SCN9A: variants seen among roughly 807,000 people sequenced by gnomAD.
SCN9A encodes sodium voltage-gated channel alpha subunit 9, also known as sodium channel protein type 9 subunit alpha.
Under a neutral mutation model 187.0 loss-of-function variants are expected in SCN9A, and 131 were observed. The observed-to-expected ratio is 0.70, with a 90% CI of 0.61 to 0.81. The LOEUF is 0.81. Among genes scored for constraint, SCN9A ranks in the 30% least tolerant of loss-of-function variants. SCN9A has a pLI of 0.00. For synonymous variants in SCN9A, 809 were observed against 808.6 expected (o/e 1.00, Z -0.01); for missense variants, 2,252 against 2,396.6 (o/e 0.94, Z 1.26).
At chr2:166,368,929 G>C (rs1700485145) in intron 1 of SCN9A, among the ~76,000 whole-genome samples, 1 of 151,480 alleles carries the variant, frequency 6.6e-6, no homozygotes, top group Admixed American at 6.6e-5. Flanking sequence ...GGAAGTTGCA[G>C]TGAGCCAAGA....
chr2:166,352,032 G>A (rs966509133), intron 1 of SCN9A, among the ~76,000 whole-genome samples: 21 of 152,014 alleles, frequency 1.4e-4, no homozygotes, highest in African/African-American at 4.8e-4. Context: ...ATTCTATGGC[G>A]TTTCTTAAGA....
intron 18 of SCN9A, among the ~76,000 whole-genome samples, chr2:166,251,273 A>G (rs191421545): frequency 2.0e-5 from 3 of 152,098 alleles, no homozygotes; most frequent in Non-Finnish European, 4.4e-5. Flanking sequence ...TACTCATTAA[A>G]GAAATAGAGA....
Position 166,199,302 on chromosome 2 carries a change from A to G in SCN9A, c.5337T>C (p.Phe1779=), listed in dbSNP as rs1693363523. The part of the protein sequence containing the change: ...ESTEPLSEDD[F]EMFYEVWEKF... ...TCTCCCAAACCTCATAGAACATCTC[A>G]AAGTCATCCTCACTCAGAGGTTCAG... Residue 1779 remains phenylalanine, a synonymous_variant, in exon 27 of 27, where the codon TTT becomes TTC. Transcript: ENST00000642356. 1 of 1,613,894 alleles carries G rather than the reference A, an allele frequency of 6.2e-7. No homozygotes were observed.
In SCN9A at chr2:166,277,176, T is replaced by A; in HGVS notation, c.2681A>T (p.Glu894Val). Reference protein sequence around the residue: ...GMQLFGKSYKECVCKINDDCT... With the variant: ...GMQLFGKSYKVCVCKINDDCT... ...GTCATCATTGATCTTGCAGACACAT[T>A]CTTTGTAGCTCTTACCAAAGAGCTG... The change falls in exon 16 of 27, where the codon GAA becomes GTA. Residue 894 changes from glutamate (E) to valine (V), a missense_variant. By Grantham distance (121) the Glu-to-Val change is moderately radical (BLOSUM62 -2). This residue lies in a region of SCN9A where 119 missense variants were observed against 188.7 expected (regional missense o/e 0.63). Coordinates refer to ENST00000642356, the MANE Select transcript of SCN9A (RefSeq NM_001365536.1). 6.2e-7 allele frequency: 1 copy of A among 1,613,980 alleles called. No individual in the cohort carries two copies. Among genetic ancestry groups the A allele is most frequent in the Non-Finnish European group, 8.5e-7 (1 of 1,179,980 alleles).
At chr2:166,252,168 T>C (rs1157609328) in intron 17 of SCN9A, among the ~76,000 whole-genome samples, 1 of 152,004 alleles carries the variant, frequency 6.6e-6, no homozygotes, top group Non-Finnish European at 1.5e-5. Flanking sequence ...ATATTGATGT[T>C]AACTATCACT....
At chr2:166,326,248 T>C (rs1015630268) in intron 1 of SCN9A, among the ~76,000 whole-genome samples, 4 of 152,282 alleles carry the variant, frequency 2.6e-5, no homozygotes, top group Non-Finnish European at 5.9e-5. Flanking sequence ...AATTTAGTCA[T>C]TGAATAGCTC....
At chr2:166,371,208 G>C (rs934744709) in intron 1 of SCN9A, among the ~76,000 whole-genome samples, 1 of 152,168 alleles carries the variant, frequency 6.6e-6, no homozygotes, top group Non-Finnish European at 1.5e-5. Flanking sequence ...CTTACAGTAA[G>C]TTGTTATTTT....
rs1480503388 is a variant in SCN9A at position 166,212,526 on chromosome 2, C to T, written c.4399-8062G>A. On this transcript the variant is annotated intron_variant, in intron 24 of 26. Coordinates refer to ENST00000642356, the MANE Select transcript of SCN9A (RefSeq NM_001365536.1). ...CAGATCTGAAGGGATAAACATGCAG[C>T]AACACCATAACAGTAGGATACATCA... Among the ~76,000 whole-genome samples, 3 of 152,128 alleles carry T rather than the reference C, an allele frequency of 2.0e-5. No individual in the cohort carries two copies. In the East Asian group the frequency reaches 5.8e-4, roughly 29 times the overall value.
rs761743149 is a variant in SCN9A at position 166,284,519 on chromosome 2, G to A, written c.1908C>T (p.Ala636=). ...GAAGCTGTCCATTGGGGAGCATGAGGGCTGAGCGTCCATCAACCAGGGAGA... is the reference window on the plus strand; with the variant it reads ...GAAGCTGTCCATTGGGGAGCATGAGAGCTGAGCGTCCATCAACCAGGGAGA... ...GVVSLVDGRS[A]LMLPNGQLLP... The change falls in exon 12 of 27, where the codon GCC becomes GCT. Residue 636 remains alanine, a synonymous_variant. Transcript: ENST00000642356. The A allele has an allele frequency of 9.9e-6, 16 of 1,614,082 alleles. 1 individual carries two copies. In the South Asian group the frequency reaches 1.8e-4, roughly 18 times the overall value.
At chr2:166,260,845 T>C (rs1696475335) in intron 17 of SCN9A, among the ~76,000 whole-genome samples, 1 of 151,870 alleles carries the variant, frequency 6.6e-6, no homozygotes, top group African/African-American at 2.4e-5. Flanking sequence ...AGAAATAAGA[T>C]TATACAGGTA....
At chr2:166,361,595 T>C (rs1287078024) in intron 1 of SCN9A, among the ~76,000 whole-genome samples, 1 of 152,100 alleles carries the variant, frequency 6.6e-6, no homozygotes, top group Non-Finnish European at 1.5e-5. Flanking sequence ...ACCGAGGATG[T>C]TGAAAGATTT....
intron 17 of SCN9A, among the ~76,000 whole-genome samples, chr2:166,271,603 T>A (rs1398109816): frequency 6.6e-6 from 1 of 152,038 alleles, no homozygotes; most frequent in Non-Finnish European, 1.5e-5. Flanking sequence ...ACTCCTGTAA[T>A]CTCAGCAACT....
intron 17 of SCN9A, among the ~76,000 whole-genome samples, chr2:166,253,443 A>C (rs1159405363): frequency 6.6e-6 from 1 of 151,878 alleles, no homozygotes; most frequent in Admixed American, 6.6e-5. Flanking sequence ...TTTAATTTAA[A>C]ATAAGATAAT....
chr2:166,284,315 TC>T, intron 12 of SCN9A, 137 bp downstream of exon 12: 1 of 983,746 alleles, frequency 1.0e-6, no homozygotes, highest in Non-Finnish European at 1.5e-6. Context: ...GGCTAATGAA[TC>T]AAAGGTGTGT....
At chr2:166,341,317 C>T (rs1699780138) in intron 1 of SCN9A, among the ~76,000 whole-genome samples, 1 of 152,136 alleles carries the variant, frequency 6.6e-6, no homozygotes, top group Non-Finnish European at 1.5e-5. Flanking sequence ...TGCAAAGATT[C>T]CTTTCATTTT....
chr2:166,297,196 CAAAAAAAAAAAAAAAAAAAAAA>C (rs71031236), intron 7 of SCN9A, among the ~76,000 whole-genome samples: 1 of 32,892 alleles, frequency 3.0e-5, no homozygotes, highest in East Asian at 7.9e-4. Flanking sequence ...GACTCCATCT[CAAAAAAAAAAAAAAAAAAAAAA>C]AAAAAAAAAG....
intron 17 of SCN9A, among the ~76,000 whole-genome samples, chr2:166,262,059 G>T (rs1696530887): frequency 6.6e-6 from 1 of 151,930 alleles, no homozygotes; most frequent in South Asian, 2.1e-4. Context: ...TCATCAACAA[G>T]CCAGGGAGAG....
At chr2:166,225,403 T>A (rs568904648) in intron 24 of SCN9A, among the ~76,000 whole-genome samples, 1 of 152,306 alleles carries the variant, frequency 6.6e-6, no homozygotes, top group African/African-American at 2.4e-5. Context: ...GTATTTATCA[T>A]GATTATAGTA....
At chr2:166,267,685 T>C (rs1308929377) in intron 17 of SCN9A, among the ~76,000 whole-genome samples, 1 of 151,982 alleles carries the variant, frequency 6.6e-6, no homozygotes, top group Admixed American at 6.6e-5. Flanking sequence ...AGCCATGTGG[T>C]CCTGGACTTT....
Sources: allele counts gnomAD v4.1 joint callset (sites outside exome capture counted in the v4.1 genomes callset), GRCh38; gene constraint gnomAD v4.1.1; regional missense constraint gnomAD v4.1.1; transcripts MANE v1.5; gene names NCBI Gene and HGNC (gene_info 2026-07-23, HGNC 2026-07-21).